The following SDK1 variants were observed in gnomAD, a reference collection of about 807,000 sequenced individuals.
SDK1 encodes the protein sidekick cell adhesion molecule 1, also known as protein sidekick-1.
SDK1 carries 157 observed loss-of-function variants against 245.5 expected under a neutral mutation model. The observed-to-expected ratio is 0.64, with a 90% CI of 0.56 to 0.73. The LOEUF is 0.73. SDK1 is among the 30% of genes least tolerant of loss of function. The pLI is 0.00. For missense variants in SDK1, 3,583 were observed against 3,002.3 expected (o/e 1.19, Z -4.52); for synonymous variants, 1,647 against 1,278.5 (o/e 1.29, Z -6.15).
At chr7:3,501,378 G>GA (rs11320383) in intron 1 of SDK1, among the ~76,000 whole-genome samples, 20,103 of 135,892 alleles carry the variant, frequency 0.15, 2,155 homozygotes, top group African/African-American at 0.3. Context: ...TCAGGAAAAA[G>GA]AAAAAAAAAA....
chr7:3,806,935 G>A (rs1051472871), intron 4 of SDK1, among the ~76,000 whole-genome samples: 1 of 152,052 alleles, frequency 6.6e-6, no homozygotes, highest in African/African-American at 2.4e-5. Flanking sequence ...CGTGTGTATT[G>A]TTGTGGTTAA....
chr7:4,173,156 G>C (rs1283099696), intron 32 of SDK1, among the ~76,000 whole-genome samples: 2 of 152,244 alleles, frequency 1.3e-5, no homozygotes, highest in Non-Finnish European at 1.5e-5. Flanking sequence ...CTCTGACGAG[G>C]CTTCGTGGCC....
At chr7:4,204,987 C>A (rs533318832) in intron 35 of SDK1, among the ~76,000 whole-genome samples, 7 of 152,120 alleles carry the variant, frequency 4.6e-5, no homozygotes, top group African/African-American at 7.2e-5. Context: ...GCGGCCACAC[C>A]CCTAATGGCG....
intron 1 of SDK1, among the ~76,000 whole-genome samples, chr7:3,564,334 A>G (rs929465740): frequency 6.6e-6 from 1 of 152,142 alleles, no homozygotes; most frequent in African/African-American, 2.4e-5. Flanking sequence ...AAGAGAAGCT[A>G]AAAATAAAAT....
rs562451562 is a variant in SDK1 at position 3,966,394 on chromosome 7, C to T, written c.1430-924C>T. On this transcript the variant is annotated intron_variant, in intron 9 of 44. Coordinates refer to ENST00000404826, the MANE Select transcript of SDK1 (RefSeq NM_152744.4). ...TTGAGAGACACAGATCACTGTTGTA[C>T]GGGGGGTTCCGGTTAATCGTTATTG... 3.2e-4 allele frequency among the ~76,000 whole-genome samples: 49 copies of T among 152,190 alleles called. 2 individuals are homozygous for T. In the South Asian group the frequency reaches 8.9e-3, roughly 28 times the overall value.
intron 1 of SDK1, among the ~76,000 whole-genome samples, chr7:3,495,571 T>C (rs1781999361): frequency 6.6e-6 from 1 of 152,220 alleles, no homozygotes; most frequent in Non-Finnish European, 1.5e-5. Flanking sequence ...AAAACTTGGC[T>C]CTGATGCTGT....
chr7:3,783,096 A>C (rs1474461402), intron 4 of SDK1, among the ~76,000 whole-genome samples: 1 of 152,260 alleles, frequency 6.6e-6, no homozygotes, highest in African/African-American at 2.4e-5. Flanking sequence ...GATATATCAC[A>C]TTAATGGAAT....
At chr7:3,720,915 TAAG>T (rs1160779881) in intron 4 of SDK1, among the ~76,000 whole-genome samples, 1 of 152,204 alleles carries the variant, frequency 6.6e-6, no homozygotes, top group Admixed American at 6.5e-5. Flanking sequence ...TCGCTCATAA[TAAG>T]AAGTGATGGG....
chr7:3,985,701 G>A (rs981573339), intron 13 of SDK1, among the ~76,000 whole-genome samples: 3 of 152,106 alleles, frequency 2.0e-5, no homozygotes, highest in East Asian at 1.9e-4. Flanking sequence ...AAAACAAGAC[G>A]ACATCCTGGG....
At position 3,521,943 on chromosome 7, in the gene SDK1, C is replaced by A. The variant is rs1006083155; in HGVS notation, c.299-97137C>A. Among the ~76,000 whole-genome samples the A allele has an allele frequency of 5.3e-5, 8 of 152,108 alleles. No individual in the cohort carries two copies. In the East Asian group the frequency reaches 1.5e-3, roughly 29 times the overall value. ...TCATAAAGATGAGTCTGGGAGTGAT[C>A]TGCAGGACAGAGAGAAGGTGGAGAA... On this transcript the variant is annotated intron_variant, in intron 1 of 44. Coordinates refer to ENST00000404826, the MANE Select transcript of SDK1 (RefSeq NM_152744.4).
intron 1 of SDK1, among the ~76,000 whole-genome samples, chr7:3,423,268 G>A (rs940890650): frequency 3.3e-5 from 5 of 152,196 alleles, no homozygotes; most frequent in African/African-American, 1.2e-4. Context: ...CAGGAGAAAA[G>A]AGGAAAATTT....
chr7:3,472,116 A>T (rs375977601), intron 1 of SDK1, among the ~76,000 whole-genome samples: 1 of 151,934 alleles, frequency 6.6e-6, no homozygotes, highest in Non-Finnish European at 1.5e-5. Flanking sequence ...TCTCCTTCCC[A>T]CTGTGTTGTG....
intron 1 of SDK1, among the ~76,000 whole-genome samples, chr7:3,433,586 A>T (rs748235739): frequency 1.3e-5 from 2 of 152,140 alleles, no homozygotes; most frequent in African/African-American, 2.4e-5. Flanking sequence ...TTCTAGCACA[A>T]TGACTAAGTG....
At chr7:4,049,283 G>T in intron 17 of SDK1, 65 bp from the exon 18 acceptor site, 1 of 1,249,366 alleles carries the variant, frequency 8.0e-7, no homozygotes, top group Non-Finnish European at 1.2e-6. Context: ...TTTCCTTTCT[G>T]TCTCTCCACC....
chr7:4,232,961 T>A (rs543529609), intron 40 of SDK1: 3 of 272,262 alleles, frequency 1.1e-5, no homozygotes, highest in Non-Finnish European at 2.1e-5. Flanking sequence ...TACATACATA[T>A]ATTTACTGTG....
intron 22 of SDK1, among the ~76,000 whole-genome samples, chr7:4,094,432 G>C (rs1782009949): frequency 6.6e-6 from 1 of 152,190 alleles, no homozygotes; most frequent in African/African-American, 2.4e-5. Flanking sequence ...CACAGAACTT[G>C]CTTCTGCTCT....
In SDK1 at chr7:3,871,284, A is replaced by G. The variant is rs143569915; in HGVS notation, c.847+49701A>G. ...TGACCTTTTATCTCGCCATCTTGCT[A>G]AACTCATTTATTATTTACAGAAGAT... On this transcript the variant is annotated intron_variant, in intron 5 of 44. Transcript: ENST00000404826. 7.2e-3 allele frequency among the ~76,000 whole-genome samples: 1,097 copies of G among 152,230 alleles called. 9 individuals carry two copies. Among genetic ancestry groups the G allele is most frequent in the Non-Finnish European group, 0.012 (810 of 68,014 alleles).
intron 5 of SDK1, among the ~76,000 whole-genome samples, chr7:3,874,921 G>A (rs183229028): frequency 1.3e-5 from 2 of 152,144 alleles, no homozygotes; most frequent in African/African-American, 2.4e-5. Context: ...AGCACCAAGT[G>A]GGGGAAGCTG....
intron 17 of SDK1, among the ~76,000 whole-genome samples, chr7:4,024,769 T>A (rs1196500285): frequency 6.6e-6 from 1 of 152,232 alleles, no homozygotes; most frequent in African/African-American, 2.4e-5. Context: ...GAAACTTAAG[T>A]CTGCTGGGCT....
Sources: allele counts gnomAD v4.1 joint callset (sites outside exome capture counted in the v4.1 genomes callset), GRCh38; gene constraint gnomAD v4.1.1; transcripts MANE v1.5; gene names NCBI Gene and HGNC (gene_info 2026-07-23, HGNC 2026-07-21).